The following KIAA0825 variants were observed in gnomAD, a reference collection of about 807,000 sequenced individuals.
KIAA0825 encodes the protein KIAA0825.
A neutral mutation model predicts 147.6 loss-of-function variants in KIAA0825; 119 were observed. The ratio of observed to expected loss-of-function variants is 0.81; its 90% confidence interval spans 0.69 to 0.94. The LOEUF is 0.94. KIAA0825 is among the 40% of genes least tolerant of loss of function. The pLI is 0.00. For synonymous variants in KIAA0825, 470 were observed against 518.1 expected, an observed-to-expected ratio of 0.91 and a Z score of 1.26; for missense variants, 1,381 against 1,472.7, an observed-to-expected ratio of 0.94 and a Z score of 1.02.
Position 94,539,358 on chromosome 5 carries a change from C to T in KIAA0825, c.-1-2231G>A, listed in dbSNP as rs1221225944. On this transcript the variant is annotated intron_variant, in intron 2 of 20. Transcript: ENST00000682413. ...TCTACTTTCTTAATAAACTTGCTTT[C>T]ACTTTACTCTATGGACACCCTGAAT... 3.3e-5 allele frequency among the ~76,000 whole-genome samples: 5 copies of T among 152,276 alleles called. No individual in the cohort carries two copies. In the East Asian group the frequency reaches 9.7e-4, roughly 29 times the overall value.
At chr5:94,589,495 A>G (rs551791436) in intron 1 of KIAA0825, among the ~76,000 whole-genome samples, 1 of 152,218 alleles carries the variant, frequency 6.6e-6, no homozygotes, top group Non-Finnish European at 1.5e-5. Context: ...AATCTCTATC[A>G]AAGTTGGGCA....
chr5:94,547,980 T>C (rs1462467383), intron 2 of KIAA0825, among the ~76,000 whole-genome samples: 1 of 151,534 alleles, frequency 6.6e-6, no homozygotes, highest in Non-Finnish European at 1.5e-5. Flanking sequence ...GCTGACAGAG[T>C]TCATCAACTA....
chr5:94,576,024 CAT>C lies in KIAA0825; in HGVS notation c.-2+6407_-2+6408del, dbSNP rs148349602. ...GAAGGCATAGCAAATTAGTGTTAGA[CAT>C]AATGATTTTGAGTAGGCCGTACAAG... On this transcript the variant is annotated intron_variant, in intron 2 of 20. Coordinates refer to ENST00000682413, the MANE Select transcript of KIAA0825 (RefSeq NM_001145678.3). Among the ~76,000 whole-genome samples the C allele has an allele frequency of 2.1e-3, 312 of 152,112 alleles. 2 individuals carry two copies. The highest frequency in any genetic ancestry group is 7.3e-3 in the African/African-American group (304 of 41,496).
At chr5:94,593,628 C>A in intron 1 of KIAA0825, 1 of 475,268 alleles carries the variant, frequency 2.1e-6, no homozygotes. Context: ...ACGAGTAAGC[C>A]CTGGTAGTGT....
chr5:94,403,992 A>G (rs1417700727), intron 15 of KIAA0825, among the ~76,000 whole-genome samples, 199 bp from the exon 16 acceptor site: 1 of 152,188 alleles, frequency 6.6e-6, no homozygotes, highest in Non-Finnish European at 1.5e-5. Context: ...AATAAAATGA[A>G]TGGCAATTAA....
intron 20 of KIAA0825, among the ~76,000 whole-genome samples, chr5:94,236,863 T>C (rs1775069803): frequency 6.6e-6 from 1 of 152,206 alleles, no homozygotes; most frequent in South Asian, 2.1e-4. Context: ...AAATTAAGTA[T>C]GTACATTGTT....
chr5:94,356,249 G>A (rs184223019), intron 20 of KIAA0825, among the ~76,000 whole-genome samples: 8 of 152,100 alleles, frequency 5.3e-5, no homozygotes, highest in Admixed American at 5.2e-4. Context: ...TGTGCAAAAA[G>A]CAAAACTACA....
intron 20 of KIAA0825, among the ~76,000 whole-genome samples, chr5:94,329,793 A>G (rs552686806): frequency 2.0e-5 from 3 of 152,176 alleles, no homozygotes; most frequent in African/African-American, 7.2e-5. Context: ...CAGAAACTCT[A>G]TAGCAGGTAT....
At chr5:94,433,934 G>A (rs753672667) in intron 14 of KIAA0825, among the ~76,000 whole-genome samples, 6 of 152,198 alleles carry the variant, frequency 3.9e-5, no homozygotes, top group Admixed American at 3.3e-4. Flanking sequence ...TTGGGAAATT[G>A]CCAAATATTT....
At chr5:94,311,252 TTG>T (rs1200724204) in intron 20 of KIAA0825, among the ~76,000 whole-genome samples, 1 of 151,048 alleles carries the variant, frequency 6.6e-6, no homozygotes, top group Non-Finnish European at 1.5e-5. Flanking sequence ...GGTTTTTTTT[TTG>T]TTGTTGTTGT....
At chr5:94,360,361 G>A (rs988307736) in intron 20 of KIAA0825, among the ~76,000 whole-genome samples, 2 of 152,146 alleles carry the variant, frequency 1.3e-5, no homozygotes, top group Admixed American at 6.5e-5. Context: ...AGAGGTGTTT[G>A]AACCAGAGCA....
chr5:94,424,018 C>T lies in KIAA0825; in HGVS notation c.2498-6653G>A, dbSNP rs138557279. 6.2e-3 allele frequency among the ~76,000 whole-genome samples: 942 copies of T among 152,146 alleles called. 7 individuals are homozygous for T. The highest frequency in any genetic ancestry group is 0.022 in the African/African-American group (907 of 41,518). On this transcript the variant is annotated intron_variant, in intron 14 of 20. Transcript: ENST00000682413. Reference sequence around the variant, plus strand: ...AATATAAAGACCTATCATTTATTTACAAAACTTTCAATTAATATAACTTTT... The same window carrying T: ...AATATAAAGACCTATCATTTATTTATAAAACTTTCAATTAATATAACTTTT...
At chr5:94,237,358 A>G (rs567699038) in intron 20 of KIAA0825, among the ~76,000 whole-genome samples, 6 of 152,200 alleles carry the variant, frequency 3.9e-5, no homozygotes, top group African/African-American at 1.4e-4. Context: ...TGTCATCTAC[A>G]TCATCTGAGA....
intron 20 of KIAA0825, among the ~76,000 whole-genome samples, chr5:94,310,408 A>G (rs1027579269): frequency 1.3e-5 from 2 of 151,678 alleles, no homozygotes; most frequent in Non-Finnish European, 1.5e-5. Context: ...ATGTTTTGTC[A>G]TTGAGATATT....
At chr5:94,558,344 T>C (rs1390583269) in intron 2 of KIAA0825, among the ~76,000 whole-genome samples, 2 of 152,226 alleles carry the variant, frequency 1.3e-5, no homozygotes, top group African/African-American at 4.8e-5. Flanking sequence ...GAGGCAGGGA[T>C]AAGACATCAC....
intron 14 of KIAA0825, among the ~76,000 whole-genome samples, chr5:94,421,561 T>C (rs1584445225): frequency 6.6e-6 from 1 of 152,198 alleles, no homozygotes; most frequent in Admixed American, 6.6e-5. Flanking sequence ...AAAATAAATA[T>C]CTCTACCCCG....
intron 2 of KIAA0825, among the ~76,000 whole-genome samples, chr5:94,579,616 T>A (rs1781711643): frequency 6.6e-6 from 1 of 152,226 alleles, no homozygotes; most frequent in African/African-American, 2.4e-5. Context: ...CTGAAAGTGC[T>A]CTAAATGAAT....
chr5:94,272,362 C>T (rs930628769), intron 20 of KIAA0825, among the ~76,000 whole-genome samples: 2 of 151,804 alleles, frequency 1.3e-5, no homozygotes, highest in African/African-American at 2.4e-5. Context: ...GTTTGTAACA[C>T]AAAGAAAGGA....
chr5:94,504,403 T>A lies in KIAA0825; in HGVS notation c.970+15845A>T, dbSNP rs533524893. Among the ~76,000 whole-genome samples, 18 of 152,278 alleles carry A rather than the reference T, an allele frequency of 1.2e-4. No homozygotes were observed. The South Asian group carries it at 3.7e-3, about 32-fold the overall frequency. ...TAGTGGGCCCAGATGCCCAGTTTTA[T>A]CAAAGTGAAACTTAAATGCTTGGAA... On this transcript the variant is annotated intron_variant, in intron 5 of 20. Transcript: ENST00000682413.
Sources: gnomAD v4.1 joint callset for allele counts (sites outside exome capture counted in the v4.1 genomes callset) on GRCh38, gnomAD v4.1.1 for gene constraint, MANE v1.5 for transcripts, NCBI Gene and HGNC (gene_info 2026-07-23, HGNC 2026-07-21) for gene names.